MMP16: variants seen among roughly 807,000 people sequenced by gnomAD.
The protein encoded by MMP16 is matrix metalloproteinase-16.
A neutral mutation model predicts 67.8 loss-of-function variants in MMP16; 12 were observed. That is an observed-to-expected ratio of 0.18 (90% CI 0.11 to 0.29). The LOEUF is 0.29. Ranked by LOEUF, MMP16 falls within the 10% of genes least tolerant of loss-of-function variation. MMP16 has a pLI of 1.00. For synonymous variants in MMP16, 249 were observed against 255.9 expected (o/e 0.97, Z 0.26); for missense variants, 475 against 765.7 (o/e 0.62, Z 4.48).
chr8:88,169,398 A>G (rs543610915), intron 3 of MMP16, among the ~76,000 whole-genome samples: 3 of 152,156 alleles, frequency 2.0e-5, no homozygotes, highest in South Asian at 2.1e-4. Context: ...GAGTAACTCA[A>G]TGAGATGGGT....
intron 1 of MMP16, among the ~76,000 whole-genome samples, chr8:88,298,456 A>G (rs1175880159): frequency 6.6e-6 from 1 of 152,228 alleles, no homozygotes; most frequent in Non-Finnish European, 1.5e-5. Flanking sequence ...CTGAGATAGC[A>G]ATCCTTCAGG....
Position 88,327,469 on chromosome 8 carries a change from C to A in MMP16, c.-263G>T. On this transcript the variant is annotated 5_prime_UTR_variant, in exon 1 of 10. Transcript: ENST00000286614. The stretch of plus-strand genomic sequence containing the variant: ...CCGGGAACGTGGCGCCTAAGTTCAC[C>A]GGCGGTTCCGGCTCAAAGAGCCTAG... The A allele has an allele frequency of 2.2e-6, 1 of 461,382 alleles. No homozygotes were observed. The highest frequency in any genetic ancestry group is 2.0e-5 in the South Asian group (1 of 51,086). The allele number at this position is 461,382 out of a possible 1,614,324, so 28.6% of individuals were successfully genotyped here. A position where few individuals can be genotyped will look rare whatever the true frequency, so the allele number is the denominator to read the frequency against.
intron 1 of MMP16, among the ~76,000 whole-genome samples, chr8:88,324,956 T>C (rs1410669824): frequency 2.0e-5 from 3 of 152,084 alleles, no homozygotes; most frequent in African/African-American, 4.8e-5. Flanking sequence ...GAGGATAACA[T>C]AAACTAAGGC....
intron 1 of MMP16, among the ~76,000 whole-genome samples, chr8:88,297,248 C>T (rs925278914): frequency 2.0e-5 from 3 of 152,062 alleles, no homozygotes; most frequent in Non-Finnish European, 4.4e-5. Context: ...AGTCCTACCA[C>T]CAAAGGCTGC....
chr8:88,045,785 C>T (rs1228342267), intron 9 of MMP16, among the ~76,000 whole-genome samples: 1 of 152,088 alleles, frequency 6.6e-6, no homozygotes, highest in South Asian at 2.1e-4. Flanking sequence ...ACTTGTTTGT[C>T]TTGCAAGAGA....
intron 4 of MMP16, among the ~76,000 whole-genome samples, chr8:88,145,927 T>C (rs1020430570): frequency 6.6e-6 from 1 of 152,006 alleles, no homozygotes; most frequent in African/African-American, 2.4e-5. Flanking sequence ...GCCTGTAATG[T>C]ATAGGAACAT....
intron 1 of MMP16, among the ~76,000 whole-genome samples, chr8:88,315,350 T>C (rs1563593421): frequency 6.6e-6 from 1 of 152,168 alleles, no homozygotes; most frequent in African/African-American, 2.4e-5. Flanking sequence ...GTGTTCTTTT[T>C]CTTTTTTTAA....
chr8:88,056,482 G>T (rs1456086738), intron 7 of MMP16, among the ~76,000 whole-genome samples: 1 of 151,076 alleles, frequency 6.6e-6, no homozygotes, highest in East Asian at 1.9e-4. Context: ...TTCAGAAGTG[G>T]ATATAATGAA....
At position 88,254,658 on chromosome 8, in the gene MMP16, G is replaced by C. The variant is rs564568802; in HGVS notation, c.133-57352C>G. ...CTGATAGCTGAATAAATAAATGTCT[G>C]AAACCTGTACATAACAACACTGTGA... On this transcript the variant is annotated intron_variant, in intron 1 of 9. Coordinates refer to ENST00000286614, the MANE Select transcript of MMP16 (RefSeq NM_005941.5). 2.6e-5 allele frequency among the ~76,000 whole-genome samples: 4 copies of C among 152,162 alleles called. No homozygotes were observed. In the East Asian group the frequency reaches 7.7e-4, roughly 29 times the overall value.
intron 1 of MMP16, among the ~76,000 whole-genome samples, chr8:88,309,845 T>C (rs74883833): frequency 0.015 from 2,303 of 152,212 alleles, 62 homozygotes; most frequent in African/African-American, 0.052. Context: ...GCCTTCATTA[T>C]TGTGACTGTT....
intron 3 of MMP16, among the ~76,000 whole-genome samples, chr8:88,169,737 G>A (rs929348425): frequency 6.6e-6 from 1 of 152,170 alleles, no homozygotes; most frequent in Non-Finnish European, 1.5e-5. Flanking sequence ...CAGGTTCAAA[G>A]AACAGCAAGG....
At position 88,319,030 on chromosome 8, in the gene MMP16, C is replaced by T. The variant is rs576438328; in HGVS notation, c.132+8045G>A. Among the ~76,000 whole-genome samples, 12 of 152,164 alleles carry T rather than the reference C, an allele frequency of 7.9e-5. No individual in the cohort carries two copies. The South Asian group carries it at 2.3e-3, about 29-fold the overall frequency. ...GGATGCTGTCATTATAAAATCCACG[C>T]TACAGACAGGCAATAAAGATCACAT... On this transcript the variant is annotated intron_variant, in intron 1 of 9. Transcript: ENST00000286614.
At chr8:88,120,685 A>G (rs1807815430) in intron 4 of MMP16, among the ~76,000 whole-genome samples, 1 of 152,006 alleles carries the variant, frequency 6.6e-6, no homozygotes, top group African/African-American at 2.4e-5. Flanking sequence ...ATTCAAGTTC[A>G]CCATGAACAG....
At chr8:88,179,077 GAA>G (rs1213134281) in intron 3 of MMP16, among the ~76,000 whole-genome samples, 1 of 151,770 alleles carries the variant, frequency 6.6e-6, no homozygotes, top group Non-Finnish European at 1.5e-5. Context: ...ATTAATAGCA[GAA>G]ACCAAATCAT....
chr8:88,115,007 C>T (rs201847692), intron 6 of MMP16, among the ~76,000 whole-genome samples: 12 of 151,990 alleles, frequency 7.9e-5, no homozygotes, highest in East Asian at 3.9e-4. Flanking sequence ...CTGTTGAAAG[C>T]GATCACTAGA....
intron 4 of MMP16, among the ~76,000 whole-genome samples, chr8:88,131,628 G>A (rs1360768445): frequency 6.6e-6 from 1 of 151,616 alleles, no homozygotes; most frequent in Admixed American, 6.6e-5. Context: ...TTTATTGGTC[G>A]AAATCCTAAA....
At chr8:88,169,633 T>TA (rs1415597859) in intron 3 of MMP16, among the ~76,000 whole-genome samples, 1 of 152,094 alleles carries the variant, frequency 6.6e-6, no homozygotes, top group Non-Finnish European at 1.5e-5. Context: ...ATTCATTACA[T>TA]AAAAGAAATA....
At chr8:88,282,302 T>A (rs779025848) in intron 1 of MMP16, among the ~76,000 whole-genome samples, 19 of 152,164 alleles carry the variant, frequency 1.2e-4, no homozygotes, top group Non-Finnish European at 2.5e-4. Context: ...CTCGAACTCC[T>A]GACCTTGTGA....
At chr8:88,142,230 A>G (rs905357918) in intron 4 of MMP16, among the ~76,000 whole-genome samples, 4 of 152,068 alleles carry the variant, frequency 2.6e-5, no homozygotes, top group Non-Finnish European at 5.9e-5. Context: ...TCATTACAGT[A>G]TATCTAAGAG....
Sources: allele counts gnomAD v4.1 joint callset (sites outside exome capture counted in the v4.1 genomes callset), GRCh38; gene constraint gnomAD v4.1.1; transcripts MANE v1.5; gene names NCBI Gene and HGNC (gene_info 2026-07-23, HGNC 2026-07-21).